SLC9A2: variants seen among roughly 807,000 people sequenced by gnomAD.
SLC9A2 encodes the protein solute carrier family 9 member A2, also known as sodium/hydrogen exchanger 2.
In SLC9A2, 42 loss-of-function variants were observed where a neutral mutation model predicts 71.7. The ratio of observed to expected loss-of-function variants is 0.59; its 90% confidence interval spans 0.46 to 0.76. SLC9A2 has a LOEUF of 0.76. Among genes scored for constraint, SLC9A2 ranks in the 30% least tolerant of loss-of-function variants. SLC9A2 has a pLI of 0.00. For synonymous variants in SLC9A2, 396 were observed against 392.5 expected (o/e 1.01, Z -0.10); for missense variants, 829 against 1,017.4 (o/e 0.81, Z 2.52).
chr2:102,620,094 C>G lies in SLC9A2; in HGVS notation c.246C>G (p.Phe82Leu). Residue 82 changes from phenylalanine (F) to leucine (L), a missense_variant, in exon 1 of 12, where the codon TTC (phenylalanine) becomes TTG (leucine). By Grantham distance (22) the Phe-to-Leu change is conservative. Around this residue, in one of 3 missense-constraint regions of SLC9A2, gnomAD observed 500 missense variants for 726.3 expected, o/e 0.69. Coordinates refer to ENST00000233969, the MANE Select transcript of SLC9A2 (RefSeq NM_003048.6). ...ATTACCCCCACGTGCAGATCCCCTT[C>G]GAGATCACCCTTTGGATCCTGCTGG... The part of the protein sequence containing the change: ...TLDYPHVQIP[F>L]EITLWILLAS... The G allele has an allele frequency of 4.3e-6, 7 of 1,613,260 alleles. No individual in the cohort carries two copies. The highest frequency in any genetic ancestry group is 5.9e-6 in the Non-Finnish European group (7 of 1,179,546).
intron 8 of SLC9A2, among the ~76,000 whole-genome samples, chr2:102,702,034 A>T (rs1248275577): frequency 6.6e-6 from 1 of 152,222 alleles, no homozygotes; most frequent in Non-Finnish European, 1.5e-5. Context: ...GGTTTTTAAA[A>T]TATGAAAACT....
intron 10 of SLC9A2, 142 bp downstream of exon 10, chr2:102,704,817 G>A (rs1224797021): frequency 4.3e-5 from 35 of 812,796 alleles, no homozygotes; most frequent in South Asian, 3.2e-4. Flanking sequence ...TGGGGTGGCC[G>A]GGGGAAGTGA....
rs1678034690 is a variant in SLC9A2, at chr2:102,708,605, T to C, written c.*116T>C. On this transcript the variant is annotated 3_prime_UTR_variant, in exon 12 of 12. Transcript: ENST00000233969. The stretch of plus-strand genomic sequence containing the variant: ...AACTCTCTGTGCATCTAAATACTTC[T>C]GGAGGGCGACAGATTCATGCCACGG... 3.2e-6 allele frequency: 4 copies of C among 1,239,822 alleles called. No homozygotes were observed. The highest frequency in any genetic ancestry group is 2.4e-5 in the East Asian group (1 of 42,176). 76.8% of individuals were successfully genotyped at this position (1,239,822 alleles called of 1,614,324 possible).
In SLC9A2 at chr2:102,665,253, A is replaced by G. The variant is rs988598670; in HGVS notation, c.907A>G (p.Thr303Ala). The G allele has an allele frequency of 6.8e-6, 11 of 1,613,862 alleles. No individual in the cohort carries two copies. In the African/African-American group the frequency reaches 1.5e-4, roughly 22 times the overall value. ...GFIAAFTTRF[T>A]HNIRVIEPLF... ...TATAGCGGCATTTACTACTCGATTC[A>G]CCCATAATATCCGAGTGATCGAGCC... The change falls in exon 3 of 12, where the codon ACC becomes GCC. Residue 303 changes from threonine to alanine, a missense_variant. By Grantham distance (58) the Thr-to-Ala change is moderately conservative. Around this residue, in one of 3 missense-constraint regions of SLC9A2, gnomAD observed 500 missense variants for 726.3 expected, o/e 0.69. Transcript: ENST00000233969.
At chr2:102,676,620 T>C (rs1332157612) in intron 3 of SLC9A2, among the ~76,000 whole-genome samples, 1 of 152,252 alleles carries the variant, frequency 6.6e-6, no homozygotes, top group East Asian at 1.9e-4. Flanking sequence ...ACAATTGTTG[T>C]TTGCATTTTC....
intron 1 of SLC9A2, among the ~76,000 whole-genome samples, chr2:102,645,588 C>T (rs893361612): frequency 1.3e-5 from 2 of 150,394 alleles, no homozygotes; most frequent in Non-Finnish European, 3.0e-5. Flanking sequence ...CTAGAATAAC[C>T]AGTTTAAAGA....
intron 5 of SLC9A2, among the ~76,000 whole-genome samples, 172 bp from the exon 6 acceptor site, chr2:102,694,242 G>A (rs1677711216): frequency 6.6e-6 from 1 of 152,124 alleles, no homozygotes; most frequent in Admixed American, 6.5e-5. Context: ...CATTTACTGT[G>A]TTAAATCTTG....
chr2:102,688,705 C>T (rs1037685870), intron 5 of SLC9A2, among the ~76,000 whole-genome samples: 3 of 151,756 alleles, frequency 2.0e-5, no homozygotes, highest in Non-Finnish European at 2.9e-5. Flanking sequence ...TCCAGCCTGG[C>T]GACAGAGCAA....
chr2:102,665,773 TAAAAAAAAA>T lies in SLC9A2; in HGVS notation c.1004+443_1004+451del, dbSNP rs11426516. ...TGGGCCACACAGCAAGACTCTGTCT[TAAAAAAAAA>T]AAAAAAAAAAAAAAAAAAAGATTTT... On this transcript the variant is annotated intron_variant, in intron 3 of 11. Transcript: ENST00000233969. 6.0e-3 allele frequency among the ~76,000 whole-genome samples: 234 copies of T among 38,774 alleles called. 1 individual carries two copies. Among genetic ancestry groups the T allele is most frequent in the Non-Finnish European group, 1.0e-2 (198 of 19,842 alleles). The allele number at this position is 38,774 out of a possible 152,430, so 25.4% of individuals were successfully genotyped here. A position where few individuals can be genotyped will look rare whatever the true frequency, so the allele number is the denominator to read the frequency against.
rs574241599 is a variant in SLC9A2 at position 102,646,765 on chromosome 2, C to A, written c.290-10799C>A. Among the ~76,000 whole-genome samples the A allele has an allele frequency of 6.6e-3, 482 of 73,470 alleles. 7 individuals are homozygous for A. The highest frequency in any genetic ancestry group is 0.036 in the African/African-American group (451 of 12,410). The allele number at this position is 73,470 out of a possible 152,430, so 48.2% of individuals were successfully genotyped here. ...AATGCAGCAAGAAGAGCTAACGATCCTAAATATATATATATATATATATAT... is the reference window on the plus strand; with the variant it reads ...AATGCAGCAAGAAGAGCTAACGATCATAAATATATATATATATATATATAT... On this transcript the variant is annotated intron_variant, in intron 1 of 11. Transcript: ENST00000233969.
At chr2:102,658,426 C>A (rs1001579357) in intron 2 of SLC9A2, among the ~76,000 whole-genome samples, 2 of 151,850 alleles carry the variant, frequency 1.3e-5, no homozygotes, top group African/African-American at 4.8e-5. Context: ...GCCTTCAGAT[C>A]CCAGAGTTCT....
chr2:102,654,128 C>T (rs1047285539), intron 1 of SLC9A2, among the ~76,000 whole-genome samples: 3 of 151,438 alleles, frequency 2.0e-5, no homozygotes, highest in East Asian at 1.9e-4. Flanking sequence ...AGATTGCTAC[C>T]GCGTTAAGGA....
At position 102,666,008 on chromosome 2, in the gene SLC9A2, A is replaced by G. The variant is rs191133969; in HGVS notation, c.1004+658A>G. Among the ~76,000 whole-genome samples, 746 of 152,116 alleles carry G rather than the reference A, an allele frequency of 4.9e-3. 5 individuals carry two copies. The highest frequency in any genetic ancestry group is 0.017 in the African/African-American group (697 of 41,510). On this transcript the variant is annotated intron_variant, in intron 3 of 11. Transcript: ENST00000233969. ...ATCAGGGTTGCCCACGTGGGAACCT[A>G]TAAGCTTATTCCAACAAAGTTGCAT...
chr2:102,621,282 C>A (rs528044082), intron 1 of SLC9A2, among the ~76,000 whole-genome samples: 1 of 142,394 alleles, frequency 7.0e-6, no homozygotes, highest in Non-Finnish European at 1.5e-5. Context: ...CAGGAGGTTG[C>A]GGTTGCAGTG....
At chr2:102,691,489 A>G (rs1339286780) in intron 5 of SLC9A2, among the ~76,000 whole-genome samples, 3 of 152,158 alleles carry the variant, frequency 2.0e-5, no homozygotes, top group Non-Finnish European at 4.4e-5. Flanking sequence ...GGGGCTTAAT[A>G]TGGCATACAC....
chr2:102,672,871 T>C (rs1423870324), intron 3 of SLC9A2, among the ~76,000 whole-genome samples: 1 of 152,198 alleles, frequency 6.6e-6, no homozygotes, highest in Non-Finnish European at 1.5e-5. Context: ...TGCCTCATCT[T>C]CTTAGAGGTA....
At position 102,686,370 on chromosome 2, in the gene SLC9A2, C is replaced by T. The variant is rs115206339; in HGVS notation, c.1425+2034C>T. 2.6e-3 allele frequency: 389 copies of T among 152,284 alleles called. 3 individuals carry two copies. The highest frequency in any genetic ancestry group is 8.8e-3 in the African/African-American group (367 of 41,544). The allele number at this position is 152,284 out of a possible 1,614,324, so 9.4% of individuals were successfully genotyped here. On this transcript the variant is annotated intron_variant, in intron 5 of 11. Coordinates refer to ENST00000233969, the MANE Select transcript of SLC9A2 (RefSeq NM_003048.6). ...GAGAGCCTGGTGTGTAGCGAGTGCTCAGTATTGTAATGCATCACGATTTTC... is the reference window on the plus strand; with the variant it reads ...GAGAGCCTGGTGTGTAGCGAGTGCTTAGTATTGTAATGCATCACGATTTTC...
chr2:102,667,081 T>C (rs1313851440), intron 3 of SLC9A2, among the ~76,000 whole-genome samples: 1 of 152,222 alleles, frequency 6.6e-6, no homozygotes, highest in Non-Finnish European at 1.5e-5. Context: ...GCTGGGGTCA[T>C]GACAGCCCTG....
intron 10 of SLC9A2, 83 bp from the exon 11 acceptor site, chr2:102,705,763 G>A (rs1677962440): frequency 1.3e-6 from 1 of 757,124 alleles, no homozygotes; most frequent in African/African-American, 1.8e-5. Flanking sequence ...TTAACATGAA[G>A]TTTTGCTATA....
Sources: gnomAD v4.1 joint callset for allele counts (sites outside exome capture counted in the v4.1 genomes callset) on GRCh38, gnomAD v4.1.1 for gene constraint, gnomAD v4.1.1 regional missense constraint, MANE v1.5 for transcripts, NCBI Gene and HGNC (gene_info 2026-07-23, HGNC 2026-07-21) for gene names.